The following TP63 variants were observed in gnomAD, a reference collection of about 807,000 sequenced individuals.
TP63 encodes the protein tumor protein p63.
TP63 carries 17 observed loss-of-function variants against 82.8 expected under a neutral mutation model. The ratio of observed to expected loss-of-function variants is 0.21; its 90% CI spans 0.14 to 0.31. The LOEUF (loss-of-function observed/expected upper bound fraction) is 0.31, where lower values mean the gene tolerates loss of function less well. Ranked by LOEUF, TP63 falls within the 10% of genes least tolerant of loss-of-function variation. TP63 has a pLI of 1.00. For synonymous variants in TP63, 330 were observed against 321.7 expected, an observed-to-expected ratio of 1.03 and a Z score of -0.28; for missense variants, 648 against 895.3, an observed-to-expected ratio of 0.72 and a Z score of 3.52.
chr3:189,644,271 A>G (rs150819719), intron 1 of TP63, among the ~76,000 whole-genome samples: 1,898 of 140,274 alleles, frequency 0.014, 25 homozygotes, highest in East Asian at 0.045. Context: ...AGCTTGCACC[A>G]AGTCCCTTCC....
chr3:189,675,300 C>G (rs1158188824), intron 1 of TP63, among the ~76,000 whole-genome samples: 1 of 151,844 alleles, frequency 6.6e-6, no homozygotes, highest in Non-Finnish European at 1.5e-5. Flanking sequence ...TGAGGAGATA[C>G]AAACATTAAG....
intron 11 of TP63, among the ~76,000 whole-genome samples, chr3:189,887,414 A>C (rs1017823251): frequency 1.3e-5 from 2 of 152,148 alleles, no homozygotes; most frequent in African/African-American, 4.8e-5. Flanking sequence ...GTCAGTAAGG[A>C]ACTGATCTAC....
intron 10 of TP63, among the ~76,000 whole-genome samples, chr3:189,883,335 C>T (rs116407926): frequency 0.012 from 1,808 of 152,210 alleles, 33 homozygotes; most frequent in African/African-American, 0.042. Flanking sequence ...GCTTCCCTTC[C>T]GTGTGGCTTT....
At chr3:189,880,909 A>G (rs901402969) in intron 10 of TP63, 9 of 985,262 alleles carry the variant, frequency 9.1e-6, no homozygotes, top group South Asian at 4.7e-5. Context: ...TTTCTTGTAC[A>G]TGAAACCCTG....
At chr3:189,657,474 T>A (rs1382882781) in intron 1 of TP63, among the ~76,000 whole-genome samples, 1 of 152,004 alleles carries the variant, frequency 6.6e-6, no homozygotes, top group African/African-American at 2.4e-5. Flanking sequence ...ACTTTAGAAA[T>A]AAATAGAGAC....
intron 3 of TP63, among the ~76,000 whole-genome samples, chr3:189,753,043 G>A (rs922700300): frequency 6.6e-6 from 1 of 151,972 alleles, no homozygotes; most frequent in Non-Finnish European, 1.5e-5. Flanking sequence ...ATTTATTAAG[G>A]TTTGTTTCTA....
chr3:189,652,844 G>T (rs968874076), intron 1 of TP63, among the ~76,000 whole-genome samples: 6 of 146,466 alleles, frequency 4.1e-5, no homozygotes, highest in African/African-American at 1.5e-4. Context: ...CACTTTGCTG[G>T]GCGCTCATTC....
At chr3:189,719,220 C>T (rs1405162997) in intron 1 of TP63, among the ~76,000 whole-genome samples, 1 of 152,136 alleles carries the variant, frequency 6.6e-6, no homozygotes, top group Non-Finnish European at 1.5e-5. Context: ...AGCCAGGCAG[C>T]TCCTAGCAAT....
intron 4 of TP63, among the ~76,000 whole-genome samples, chr3:189,840,359 C>CTTTTTTTTTTTTTTTTTTTTTTTTT: frequency 6.7e-5 from 3 of 44,446 alleles, no homozygotes; most frequent in Admixed American, 5.1e-4. Flanking sequence ...TGCTTTTCGT[C>CTTTTTTTTTTTTTTTTTTTTTTTTT]TTTTTTTTTT....
At chr3:189,712,226 G>A (rs1718647402) in intron 1 of TP63, among the ~76,000 whole-genome samples, 1 of 152,140 alleles carries the variant, frequency 6.6e-6, no homozygotes, top group Admixed American at 6.5e-5. Flanking sequence ...TACTGCACAA[G>A]GTAGAATTCA....
In TP63 at chr3:189,631,464, A is replaced by G; in HGVS notation, c.-52A>G. 4 of 1,610,722 alleles carry G rather than the reference A, an allele frequency of 2.5e-6. No individual in the cohort carries two copies. The highest frequency in any genetic ancestry group is 3.4e-6 in the Non-Finnish European group (4 of 1,177,920). On this transcript the variant is annotated 5_prime_UTR_variant, in exon 1 of 14. Transcript: ENST00000264731. ...TCTATATATACACAGGTATATGTGT[A>G]TATTTTATATAATTGTTCTCCGTTC...
intron 3 of TP63, among the ~76,000 whole-genome samples, chr3:189,751,254 A>C (rs1255707480): frequency 6.6e-6 from 1 of 152,052 alleles, no homozygotes; most frequent in Non-Finnish European, 1.5e-5. Flanking sequence ...AGTCTTTGCT[A>C]TTGTGAATAG....
intron 1 of TP63, among the ~76,000 whole-genome samples, chr3:189,658,902 C>T (rs377051394): frequency 9.9e-5 from 15 of 151,894 alleles, no homozygotes; most frequent in African/African-American, 2.7e-4. Context: ...AATAATGTAT[C>T]GGTATTGGTT....
intron 1 of TP63, among the ~76,000 whole-genome samples, chr3:189,642,326 T>C (rs1347515126): frequency 1.3e-5 from 2 of 152,184 alleles, no homozygotes; most frequent in Non-Finnish European, 2.9e-5. Flanking sequence ...CAGCGAAATA[T>C]GTAGTATTTA....
At chr3:189,766,563 CCT>C (rs530229454) in intron 3 of TP63, among the ~76,000 whole-genome samples, 162 of 152,264 alleles carry the variant, frequency 1.1e-3, no homozygotes, top group Middle Eastern at 3.4e-3. Flanking sequence ...TAACATGCTG[CCT>C]CTGTCTTCCT....
Position 189,764,163 on chromosome 3 carries a change from C to A in TP63, c.324+25389C>A, listed in dbSNP as rs1438149362. On this transcript the variant is annotated intron_variant, in intron 3 of 13. Coordinates refer to ENST00000264731, the MANE Select transcript of TP63 (RefSeq NM_003722.5). The stretch of plus-strand genomic sequence containing the variant: ...AGTCCCTCTGGCACACTGTTCTTTG[C>A]AGATAAGGCCCTATGAATTGTCTAC... 3.9e-5 allele frequency among the ~76,000 whole-genome samples: 6 copies of A among 152,120 alleles called. No individual in the cohort carries two copies. The South Asian group carries it at 6.2e-4, about 16-fold the overall frequency.
intron 1 of TP63, among the ~76,000 whole-genome samples, chr3:189,683,565 TA>T (rs961613111): frequency 2.6e-5 from 4 of 152,234 alleles, no homozygotes; most frequent in Non-Finnish European, 5.9e-5. Flanking sequence ...ATGCCACTTC[TA>T]AAACATGAAG....
At chr3:189,818,889 C>T (rs1293610810) in intron 4 of TP63, among the ~76,000 whole-genome samples, 1 of 152,114 alleles carries the variant, frequency 6.6e-6, no homozygotes, top group Non-Finnish European at 1.5e-5. Flanking sequence ...ACTTCTAGAC[C>T]TTTGCCTTGA....
At chr3:189,810,307 C>G (rs1001931908) in intron 4 of TP63, among the ~76,000 whole-genome samples, 7 of 152,172 alleles carry the variant, frequency 4.6e-5, no homozygotes, top group Non-Finnish European at 1.0e-4. Context: ...GCACTGATAT[C>G]TCTTAGGTCA....
Sources: allele counts gnomAD v4.1 joint callset (sites outside exome capture counted in the v4.1 genomes callset), GRCh38; gene constraint gnomAD v4.1.1; transcripts MANE v1.5; gene names NCBI Gene and HGNC (gene_info 2026-07-23, HGNC 2026-07-21).